The following LTBP1 variants were observed in gnomAD, a reference collection of about 807,000 sequenced individuals.
The protein encoded by LTBP1 is latent-transforming growth factor beta-binding protein 1.
Under a neutral mutation model 207.6 loss-of-function variants are expected in LTBP1, and 129 were observed. That is an observed-to-expected ratio of 0.62 (90% confidence interval 0.54 to 0.72). The LOEUF is 0.72. LTBP1 is among the 30% of genes least tolerant of loss of function. LTBP1 has a pLI of 0.00. For synonymous variants in LTBP1, 963 were observed against 833.7 expected, an observed-to-expected ratio of 1.16 and a Z score of -2.67; for missense variants, 2,281 against 2,217.2, an observed-to-expected ratio of 1.03 and a Z score of -0.58.
intron 5 of LTBP1, among the ~76,000 whole-genome samples, chr2:33,174,659 T>A (rs2085830292): frequency 1.3e-5 from 2 of 152,204 alleles, no homozygotes; most frequent in South Asian, 4.2e-4. Context: ...AAAACTACTT[T>A]AAAGTTCATA....
At chr2:33,228,080 C>A (rs866253772) in intron 9 of LTBP1, among the ~76,000 whole-genome samples, 1 of 152,046 alleles carries the variant, frequency 6.6e-6, no homozygotes, top group Admixed American at 6.6e-5. Flanking sequence ...GCTGGGATTA[C>A]AGGCATGAGC....
chr2:33,358,470 A>AAT (rs1456841279), intron 26 of LTBP1, among the ~76,000 whole-genome samples: 9 of 151,700 alleles, frequency 5.9e-5, no homozygotes, highest in African/African-American at 1.9e-4. Context: ...ATATATTTAT[A>AAT]ATTTTGACAT....
intron 3 of LTBP1, among the ~76,000 whole-genome samples, chr2:33,106,939 A>C (rs886264980): frequency 6.6e-6 from 1 of 152,178 alleles, no homozygotes; most frequent in Non-Finnish European, 1.5e-5. Flanking sequence ...GTTCAGCCCT[A>C]CTTCTCATTT....
chr2:33,013,762 A>C (rs1473083633), intron 2 of LTBP1, among the ~76,000 whole-genome samples: 2 of 152,114 alleles, frequency 1.3e-5, no homozygotes, highest in Non-Finnish European at 2.9e-5. Flanking sequence ...CCTATTTTAA[A>C]TTACATCACA....
At position 33,252,991 on chromosome 2, in the gene LTBP1, C is replaced by CATAGTTTCTACA. The variant is rs1166209285; in HGVS notation, c.2167+148_2167+149insTAGTTTCTACAA. The CATAGTTTCTACA allele has an allele frequency of 1.7e-5, 10 of 597,726 alleles. No homozygotes were observed. In the South Asian group the frequency reaches 3.5e-4, roughly 21 times the overall value. The allele number at this position is 597,726 out of a possible 1,614,324, so 37.0% of individuals were successfully genotyped here. A position where few individuals can be genotyped will look rare whatever the true frequency, so the allele number is the denominator to read the frequency against. ...TTTAATCACCTTTGTAGAAACTGTA[C>CATAGTTTCTACA]ACATACAATGTTGAATCAGTGGGAA... On this transcript the variant is annotated intron_variant, in intron 11 of 33. Transcript: ENST00000404816.
intron 31 of LTBP1, among the ~76,000 whole-genome samples, chr2:33,385,604 G>A (rs2095258734): frequency 6.6e-6 from 1 of 152,170 alleles, no homozygotes; most frequent in African/African-American, 2.4e-5. Context: ...GGAAACTGAG[G>A]CTTGCCCAAA....
At chr2:33,132,349 C>T (rs986015569) in intron 4 of LTBP1, among the ~76,000 whole-genome samples, 10 of 151,986 alleles carry the variant, frequency 6.6e-5, no homozygotes, top group South Asian at 2.1e-4. Flanking sequence ...AAGGTAGACT[C>T]CCAGATAACT....
intron 4 of LTBP1, among the ~76,000 whole-genome samples, chr2:33,111,214 C>T (rs1474116859): frequency 6.6e-6 from 1 of 152,128 alleles, no homozygotes; most frequent in Non-Finnish European, 1.5e-5. Context: ...AAGCAGCTGG[C>T]GTGGCAGATT....
intron 7 of LTBP1, among the ~76,000 whole-genome samples, chr2:33,217,021 G>T (rs533087934): frequency 1.3e-5 from 2 of 152,298 alleles, no homozygotes; most frequent in South Asian, 4.1e-4. Flanking sequence ...CTCTGCTAGA[G>T]CTGATTTGGC....
chr2:33,098,800 T>G (rs1380868627), intron 3 of LTBP1, among the ~76,000 whole-genome samples: 1 of 152,188 alleles, frequency 6.6e-6, no homozygotes, highest in East Asian at 1.9e-4. Context: ...CTTGCATTAT[T>G]TGCTTAGAAA....
At chr2:33,213,035 G>A (rs767899639) in intron 7 of LTBP1, among the ~76,000 whole-genome samples, 1 of 152,030 alleles carries the variant, frequency 6.6e-6, no homozygotes, top group African/African-American at 2.4e-5. Flanking sequence ...TCACCGTTCC[G>A]CCTTTCCTCA....
chr2:33,120,509 A>G (rs1425331833), intron 4 of LTBP1, among the ~76,000 whole-genome samples: 1 of 152,214 alleles, frequency 6.6e-6, no homozygotes, highest in African/African-American at 2.4e-5. Flanking sequence ...TTTCTGCAGA[A>G]GACATGATCT....
intron 3 of LTBP1, among the ~76,000 whole-genome samples, chr2:33,102,694 G>T (rs1257972389): frequency 6.6e-6 from 1 of 151,908 alleles, no homozygotes; most frequent in East Asian, 1.9e-4. Context: ...TGTTTTTCTG[G>T]CATACTCTGG....
At chr2:33,258,587 CT>C (rs1558900349) in intron 12 of LTBP1, among the ~76,000 whole-genome samples, 1 of 152,302 alleles carries the variant, frequency 6.6e-6, no homozygotes, top group East Asian at 1.9e-4. Context: ...CAGTTTGCCC[CT>C]GGACACTTAG....
intron 2 of LTBP1, among the ~76,000 whole-genome samples, chr2:32,951,694 G>C (rs1183765595): frequency 2.0e-5 from 3 of 152,134 alleles, no homozygotes; most frequent in Non-Finnish European, 4.4e-5. Context: ...TTATAGGATG[G>C]TTGCAGGTAT....
chr2:33,129,742 T>A (rs1281561773), intron 4 of LTBP1, among the ~76,000 whole-genome samples: 1 of 152,226 alleles, frequency 6.6e-6, no homozygotes, highest in Non-Finnish European at 1.5e-5. Context: ...CCGTAATGAC[T>A]TATGCTTTTT....
At chr2:33,164,352 G>GAAAAA (rs56916166) in intron 5 of LTBP1, among the ~76,000 whole-genome samples, 516 of 28,216 alleles carry the variant, frequency 0.018, 18 homozygotes, top group Non-Finnish European at 0.023. Context: ...TTCCTCTCAG[G>GAAAAA]AAAAAAAAAA....
intron 3 of LTBP1, among the ~76,000 whole-genome samples, chr2:33,089,010 G>T (rs1056931086): frequency 1.3e-5 from 2 of 151,756 alleles, no homozygotes; most frequent in Non-Finnish European, 1.5e-5. Flanking sequence ...ACAAAAATTA[G>T]CCAGGTGTGG....
chr2:33,397,776 C>T (rs757986686), intron 33 of LTBP1, among the ~76,000 whole-genome samples: 4 of 151,478 alleles, frequency 2.6e-5, no homozygotes, highest in African/African-American at 7.3e-5. Context: ...CCCACCTTGG[C>T]CTCCCAAAGT....
Sources: allele counts gnomAD v4.1 joint callset (sites outside exome capture counted in the v4.1 genomes callset), GRCh38; gene constraint gnomAD v4.1.1; transcripts MANE v1.5; gene names NCBI Gene and HGNC (gene_info 2026-07-23, HGNC 2026-07-21).